The following KLHL1 variants were observed in gnomAD, a reference collection of about 807,000 sequenced individuals.
KLHL1 encodes the protein kelch like family member 1, also known as kelch-like protein 1.
A neutral mutation model predicts 77.7 loss-of-function variants in KLHL1; 47 were observed. That is an observed-to-expected ratio of 0.60 (90% CI 0.48 to 0.77). The LOEUF (loss-of-function observed/expected upper bound fraction) is 0.77, where lower values mean the gene tolerates loss of function less well. Among genes scored for constraint, KLHL1 ranks in the 30% least tolerant of loss-of-function variants. KLHL1 has a pLI of 0.00. For missense variants in KLHL1, 925 were observed against 910.8 expected, an observed-to-expected ratio of 1.02 and a Z score of -0.20; for synonymous variants, 360 against 325.2, an observed-to-expected ratio of 1.11 and a Z score of -1.15.
At chr13:69,979,722 CT>C (rs1460580154) in intron 1 of KLHL1, among the ~76,000 whole-genome samples, 1 of 152,058 alleles carries the variant, frequency 6.6e-6, no homozygotes, top group Non-Finnish European at 1.5e-5. Flanking sequence ...CAATACAAAG[CT>C]TGAAGTTACA....
chr13:70,093,593 GA>G (rs2137445012), intron 1 of KLHL1, among the ~76,000 whole-genome samples: 1 of 152,088 alleles, frequency 6.6e-6, no homozygotes, highest in South Asian at 2.1e-4. Flanking sequence ...TATATTTATA[GA>G]AATATTTTGA....
Position 69,719,552 on chromosome 13 carries a change from C to A in KLHL1, c.1832G>T (p.Ser611Ile). 6.2e-7 allele frequency: 1 copy of A among 1,613,008 alleles called. No individual in the cohort carries two copies. Among genetic ancestry groups the A allele is most frequent in the Non-Finnish European group, 8.5e-7 (1 of 1,179,482 alleles). The part of the protein sequence containing the change: ...KLYSVGGRDG[S>I]SCLSSMEYYD... ...ATATTCCATTGAACTCAAACAGGAA[C>A]TTCCATCACGACCTCCAACTGAATA... Residue 611 changes from serine to isoleucine, a missense_variant, in exon 9 of 11, where the codon AGT becomes ATT. Coordinates refer to ENST00000377844, the MANE Select transcript of KLHL1 (RefSeq NM_020866.3).
chr13:70,102,066 A>G (rs909631853), intron 1 of KLHL1, among the ~76,000 whole-genome samples: 4 of 152,026 alleles, frequency 2.6e-5, no homozygotes, highest in Admixed American at 2.0e-4. Flanking sequence ...TCATAGAAGT[A>G]TAGTTTGAGA....
At chr13:69,943,550 A>G (rs754443662) in intron 3 of KLHL1, among the ~76,000 whole-genome samples, 16 of 152,106 alleles carry the variant, frequency 1.1e-4, no homozygotes, top group Non-Finnish European at 1.8e-4. Flanking sequence ...AGTACTATTG[A>G]TATATATTTT....
chr13:69,818,493 A>G (rs1371031051), intron 6 of KLHL1, among the ~76,000 whole-genome samples: 1 of 152,116 alleles, frequency 6.6e-6, no homozygotes, highest in Non-Finnish European at 1.5e-5. Flanking sequence ...TGCTGGGATT[A>G]CAGGCATGAG....
At chr13:69,967,772 C>A (rs1406883960) in intron 2 of KLHL1, among the ~76,000 whole-genome samples, 1 of 151,606 alleles carries the variant, frequency 6.6e-6, no homozygotes, top group Non-Finnish European at 1.5e-5. Flanking sequence ...GTAATCCCAG[C>A]TACTCAGGTG....
chr13:70,051,768 T>C (rs1214254665), intron 1 of KLHL1, among the ~76,000 whole-genome samples: 2 of 152,018 alleles, frequency 1.3e-5, no homozygotes, highest in African/African-American at 4.8e-5. Flanking sequence ...CTATGGGTTC[T>C]TACTGACATT....
intron 6 of KLHL1, among the ~76,000 whole-genome samples, chr13:69,802,579 C>T (rs1434977103): frequency 6.6e-6 from 1 of 152,124 alleles, no homozygotes; most frequent in Admixed American, 6.5e-5. Context: ...CTGACCTAAT[C>T]AGTTATGTTA....
chr13:69,726,526 T>C (rs1873303386), intron 8 of KLHL1, among the ~76,000 whole-genome samples: 1 of 152,188 alleles, frequency 6.6e-6, no homozygotes, highest in African/African-American at 2.4e-5. Flanking sequence ...TAAGAAATGA[T>C]GGTGTCTATT....
intron 7 of KLHL1, among the ~76,000 whole-genome samples, chr13:69,748,648 T>C (rs752924479): frequency 2.0e-5 from 3 of 152,050 alleles, no homozygotes; most frequent in Non-Finnish European, 4.4e-5. Flanking sequence ...TTTTGTGTCC[T>C]AGTATCCTCA....
At chr13:69,718,948 CAAG>C (rs915268887) in intron 9 of KLHL1, among the ~76,000 whole-genome samples, 6 of 151,986 alleles carry the variant, frequency 3.9e-5, no homozygotes, top group Non-Finnish European at 7.4e-5. Context: ...GTAAAACAAA[CAAG>C]AACAGAAGAA....
intron 4 of KLHL1, among the ~76,000 whole-genome samples, chr13:69,895,357 G>C (rs1418636957): frequency 4.6e-5 from 7 of 152,076 alleles, no homozygotes; most frequent in Non-Finnish European, 7.4e-5. Flanking sequence ...CTCTGACTTT[G>C]ACCCATCTTG....
intron 9 of KLHL1, among the ~76,000 whole-genome samples, chr13:69,717,792 G>T (rs950072580): frequency 1.3e-5 from 2 of 152,086 alleles, no homozygotes; most frequent in Admixed American, 1.3e-4. Flanking sequence ...TTGCACATTT[G>T]TGAGTATAAA....
At chr13:69,962,435 G>A (rs1263811207) in intron 2 of KLHL1, among the ~76,000 whole-genome samples, 2 of 151,856 alleles carry the variant, frequency 1.3e-5, no homozygotes, top group Admixed American at 6.6e-5. Flanking sequence ...TGTTCATTCT[G>A]TATAACTCCT....
Position 70,094,430 on chromosome 13 carries a change from T to C in KLHL1, c.497+12773A>G, listed in dbSNP as rs1429055588. ...ATATATGAATATATTGGCTCAATCATTGATGACTGGATTGAATTTTGAAAA... is the reference window on the plus strand; with the variant it reads ...ATATATGAATATATTGGCTCAATCACTGATGACTGGATTGAATTTTGAAAA... On this transcript the variant is annotated intron_variant, in intron 1 of 10. Transcript: ENST00000377844. Among the ~76,000 whole-genome samples the C allele has an allele frequency of 2.7e-5, 4 of 150,226 alleles. No homozygotes were observed. In the East Asian group the frequency reaches 5.9e-4, roughly 22 times the overall value.
intron 7 of KLHL1, among the ~76,000 whole-genome samples, chr13:69,773,330 T>G (rs1299581061): frequency 2.0e-5 from 3 of 152,076 alleles, no homozygotes; most frequent in Non-Finnish European, 4.4e-5. Context: ...AATTGATGAA[T>G]AGTCAGAAAG....
At chr13:70,046,892 A>G (rs1230272156) in intron 1 of KLHL1, among the ~76,000 whole-genome samples, 2 of 152,172 alleles carry the variant, frequency 1.3e-5, no homozygotes. Flanking sequence ...CATTAAGGAA[A>G]TTGTTTTGCT....
chr13:69,896,399 A>G (rs534191500), intron 4 of KLHL1, among the ~76,000 whole-genome samples: 1 of 152,268 alleles, frequency 6.6e-6, no homozygotes, highest in African/African-American at 2.4e-5. Context: ...CTACACAGTA[A>G]TAGCTAGATA....
chr13:69,835,277 C>G (rs1206767064), intron 6 of KLHL1, among the ~76,000 whole-genome samples: 1 of 152,092 alleles, frequency 6.6e-6, no homozygotes, highest in African/African-American at 2.4e-5. Context: ...AATTCTAATA[C>G]CAGCCCACCT....
Sources: allele counts gnomAD v4.1 joint callset (sites outside exome capture counted in the v4.1 genomes callset), GRCh38; gene constraint gnomAD v4.1.1; transcripts MANE v1.5; gene names NCBI Gene and HGNC (gene_info 2026-07-23, HGNC 2026-07-21).